The following SRGAP2 variants were observed in gnomAD, a reference collection of about 807,000 sequenced individuals.
SRGAP2 encodes the protein SLIT-ROBO Rho GTPase-activating protein 2.
A neutral mutation model predicts 57.2 loss-of-function variants in SRGAP2; 15 were observed. The observed-to-expected ratio is 0.26, with a 90% confidence interval of 0.18 to 0.40. The LOEUF (loss-of-function observed/expected upper bound fraction) is 0.40, where lower values mean the gene tolerates loss of function less well. Among genes scored for constraint, SRGAP2 ranks in the 10% least tolerant of loss-of-function variants. The pLI is 1.00. For synonymous variants in SRGAP2, 249 were observed against 248.0 expected, an observed-to-expected ratio of 1.00 and a Z score of -0.04; for missense variants, 520 against 669.6, an observed-to-expected ratio of 0.78 and a Z score of 2.47.
Position 206,428,218 on chromosome 1 carries a change from C to T in SRGAP2, c.1495-1944C>T, listed in dbSNP as rs12073246. 1.0e-2 allele frequency among the ~76,000 whole-genome samples: 1,517 copies of T among 152,054 alleles called. 27 individuals are homozygous for T. Among genetic ancestry groups the T allele is most frequent in the African/African-American group, 0.035 (1,434 of 41,452 alleles). On this transcript the variant is annotated intron_variant, in intron 13 of 22. Transcript: ENST00000573034. Reference sequence around the variant, plus strand: ...GATCACGAGGTCAGGAGATCGAGACCGTCCTGGCTAACACAATGAAACCCT... The same window carrying T: ...GATCACGAGGTCAGGAGATCGAGACTGTCCTGGCTAACACAATGAAACCCT...
intron 3 of SRGAP2, among the ~76,000 whole-genome samples, chr1:206,329,748 C>T (rs1234207708): frequency 6.9e-6 from 1 of 144,784 alleles, no homozygotes; most frequent in Non-Finnish European, 1.5e-5. Context: ...ATGTCATCTG[C>T]AAACAGGGAC....
At chr1:206,307,178 GAT>G (rs1412471682) in intron 3 of SRGAP2, among the ~76,000 whole-genome samples, 1 of 151,666 alleles carries the variant, frequency 6.6e-6, no homozygotes, top group African/African-American at 2.4e-5. Context: ...CCTTGAGCTA[GAT>G]ATAGAGTGCC....
At chr1:206,340,280 G>A (rs532063183) in intron 3 of SRGAP2, among the ~76,000 whole-genome samples, 60 of 135,578 alleles carry the variant, frequency 4.4e-4, no homozygotes, top group Admixed American at 8.7e-4. Flanking sequence ...CTTTTGATCT[G>A]CGGTCTACCT....
At chr1:206,277,090 G>A (rs1478116262) in intron 2 of SRGAP2, among the ~76,000 whole-genome samples, 1,599 of 151,864 alleles carry the variant, frequency 0.011, 11 homozygotes, top group Middle Eastern at 0.027. Context: ...TCAGCCTCCC[G>A]AGTAGCTGGG....
chr1:206,458,108 CTGCTCCA>C (rs1663986429), intron 21 of SRGAP2, among the ~76,000 whole-genome samples: 1 of 152,232 alleles, frequency 6.6e-6, no homozygotes, highest in Admixed American at 6.5e-5. Flanking sequence ...GAAAACTATT[CTGCTCCA>C]TGCCTACAGA....
chr1:206,322,360 T>A (rs1188071508), intron 3 of SRGAP2, among the ~76,000 whole-genome samples: 2 of 145,864 alleles, frequency 1.4e-5, no homozygotes, highest in African/African-American at 5.0e-5. Flanking sequence ...GATCATGAGG[T>A]CAGGAGATCA....
At chr1:206,309,168 A>T (rs1394893780) in intron 3 of SRGAP2, among the ~76,000 whole-genome samples, 4 of 136,266 alleles carry the variant, frequency 2.9e-5, no homozygotes, top group Non-Finnish European at 6.4e-5. Flanking sequence ...CCTGTGTCTT[A>T]AAAAAAAAAA....
At chr1:206,301,229 G>T (rs2102747508) in intron 2 of SRGAP2, among the ~76,000 whole-genome samples, 1 of 152,184 alleles carries the variant, frequency 6.6e-6, no homozygotes, top group Non-Finnish European at 1.5e-5. Context: ...TAGAGACAGG[G>T]TTTCACCATG....
intron 2 of SRGAP2, among the ~76,000 whole-genome samples, chr1:206,259,728 G>A (rs1669430753): frequency 4.6e-5 from 7 of 151,844 alleles, no homozygotes; most frequent in Admixed American, 4.6e-4. Flanking sequence ...GGTTAGGCAA[G>A]TGGCTAAGTT....
At chr1:206,340,519 C>A (rs529499065) in intron 3 of SRGAP2, among the ~76,000 whole-genome samples, 2 of 151,842 alleles carry the variant, frequency 1.3e-5, no homozygotes, top group East Asian at 1.9e-4. Flanking sequence ...CAGTATAGAC[C>A]CCCCCCAATC....
intron 4 of SRGAP2, among the ~76,000 whole-genome samples, chr1:206,357,166 G>A (rs375439623): frequency 7.2e-6 from 1 of 138,044 alleles, no homozygotes; most frequent in Non-Finnish European, 1.5e-5. Context: ...TTTCCTTTAA[G>A]TTGGAAGCAA....
intron 7 of SRGAP2, among the ~76,000 whole-genome samples, chr1:206,394,100 G>A (rs1302037104): frequency 1.6e-5 from 2 of 124,276 alleles, no homozygotes; most frequent in Non-Finnish European, 3.2e-5. Context: ...AGGCTGGAGT[G>A]CAGTGGTGCA....
At position 206,256,874 on chromosome 1, in the gene SRGAP2, C is replaced by A. The variant is rs573065894; in HGVS notation, c.68-46407C>A. On this transcript the variant is annotated intron_variant, in intron 2 of 22. Coordinates refer to ENST00000573034, the MANE Select transcript of SRGAP2 (RefSeq NM_015326.5). ...TTTAAATTGGGTACTTATTGAGTTA[C>A]CACATTAGAATCGTGCATTGTGCTA... Among the ~76,000 whole-genome samples, 772 of 151,874 alleles carry A rather than the reference C, an allele frequency of 5.1e-3. 2 individuals are homozygous for A. The highest frequency in any genetic ancestry group is 0.01 in the South Asian group (50 of 4,794).
intron 2 of SRGAP2, among the ~76,000 whole-genome samples, chr1:206,277,126 G>A (rs1257119297): frequency 2.6e-5 from 4 of 151,248 alleles, no homozygotes; most frequent in Non-Finnish European, 4.4e-5. Flanking sequence ...CACCACACCC[G>A]GCTAATTTTT....
intron 2 of SRGAP2, among the ~76,000 whole-genome samples, chr1:206,289,417 C>T (rs1367356016): frequency 4.7e-5 from 7 of 150,278 alleles, no homozygotes; most frequent in Admixed American, 1.3e-4. Context: ...GGACTACAGG[C>T]GCCCGCCACC....
rs1280283273 is a variant in SRGAP2 at position 206,329,772 on chromosome 1, C to G, written c.261-13074C>G. ...GCAAACAGGGACAATTTGACTTCCTCTTTTCCTAATTGAATACCCTTTATT... is the reference window on the plus strand; with the variant it reads ...GCAAACAGGGACAATTTGACTTCCTGTTTTCCTAATTGAATACCCTTTATT... On this transcript the variant is annotated intron_variant, in intron 3 of 22. Transcript: ENST00000573034. Among the ~76,000 whole-genome samples the G allele has an allele frequency of 2.8e-5, 4 of 145,318 alleles. No individual in the cohort carries two copies. In the South Asian group the frequency reaches 6.8e-4, roughly 25 times the overall value.
At chr1:206,396,996 CAA>C (rs1390080569) in intron 7 of SRGAP2, among the ~76,000 whole-genome samples, 1 of 152,070 alleles carries the variant, frequency 6.6e-6, no homozygotes, top group Non-Finnish European at 1.5e-5. Flanking sequence ...AGAGTTTTGA[CAA>C]ATTTGTACAT....
intron 22 of SRGAP2, among the ~76,000 whole-genome samples, chr1:206,459,953 G>A (rs1355846480): frequency 2.6e-5 from 4 of 152,204 alleles, no homozygotes; most frequent in African/African-American, 9.7e-5. Flanking sequence ...TTGGCCAGGT[G>A]TTAATAGGAA....
chr1:206,358,055 T>C (rs112863702), intron 4 of SRGAP2, among the ~76,000 whole-genome samples: 1 of 149,648 alleles, frequency 6.7e-6, no homozygotes, highest in East Asian at 2.0e-4. Context: ...GGAGAGAGGG[T>C]TTTTCCCCCT....
Sources: gnomAD v4.1 joint callset for allele counts (sites outside exome capture counted in the v4.1 genomes callset) on GRCh38, gnomAD v4.1.1 for gene constraint, MANE v1.5 for transcripts, NCBI Gene and HGNC (gene_info 2026-07-23, HGNC 2026-07-21) for gene names.